IMMP2L: variants seen among roughly 807,000 people sequenced by gnomAD.
The protein encoded by IMMP2L is mitochondrial inner membrane protease subunit 2.
In IMMP2L, 18 loss-of-function variants were observed where a neutral mutation model predicts 19.3. The ratio of observed to expected loss-of-function variants is 0.93; its 90% confidence interval spans 0.64 to 1.38. IMMP2L has a LOEUF of 1.38. Among genes scored for constraint, IMMP2L ranks in the 40% most tolerant of loss-of-function variants. IMMP2L has a pLI of 0.00. For missense variants in IMMP2L, 233 were observed against 218.2 expected (o/e 1.07, Z -0.43); for synonymous variants, 76 against 73.0 (o/e 1.04, Z -0.21).
intron 5 of IMMP2L, among the ~76,000 whole-genome samples, chr7:110,754,555 A>C (rs1263986928): frequency 2.6e-5 from 4 of 152,038 alleles, no homozygotes; most frequent in Non-Finnish European, 5.9e-5. Context: ...GAAAATGAAA[A>C]GTTATTTTTG....
At chr7:111,137,089 C>T (rs1216170887) in intron 3 of IMMP2L, among the ~76,000 whole-genome samples, 1 of 152,008 alleles carries the variant, frequency 6.6e-6, no homozygotes, top group East Asian at 1.9e-4. Context: ...TAGAGGCTAA[C>T]GATATATAGT....
chr7:110,667,152 G>A (rs1276309057), intron 5 of IMMP2L, among the ~76,000 whole-genome samples: 1 of 152,216 alleles, frequency 6.6e-6, no homozygotes, highest in Non-Finnish European at 1.5e-5. Context: ...TTACAGGCGT[G>A]AGCCACTGCG....
At chr7:111,286,380 T>C (rs978516371) in intron 3 of IMMP2L, among the ~76,000 whole-genome samples, 2 of 152,140 alleles carry the variant, frequency 1.3e-5, no homozygotes, top group African/African-American at 4.8e-5. Context: ...ATCAACGCAA[T>C]AATGACTTAA....
intron 3 of IMMP2L, among the ~76,000 whole-genome samples, chr7:111,019,257 G>A (rs1826036584): frequency 6.6e-6 from 1 of 152,240 alleles, no homozygotes; most frequent in Admixed American, 6.5e-5. Context: ...AAAGGTGACT[G>A]TGAGCTCTTT....
At chr7:111,066,324 G>A (rs186480539) in intron 3 of IMMP2L, among the ~76,000 whole-genome samples, 106 of 151,934 alleles carry the variant, frequency 7.0e-4, no homozygotes, top group South Asian at 2.1e-3. Context: ...TCTGTACCAG[G>A]AAAAAGTAGG....
intron 3 of IMMP2L, among the ~76,000 whole-genome samples, chr7:111,065,363 A>G (rs746703255): frequency 6.6e-6 from 1 of 152,094 alleles, no homozygotes; most frequent in Non-Finnish European, 1.5e-5. Context: ...AGACTTTATT[A>G]TTGTCTTTAT....
chr7:111,304,688 G>A (rs562935258), intron 3 of IMMP2L, among the ~76,000 whole-genome samples: 3 of 149,628 alleles, frequency 2.0e-5, no homozygotes, highest in Admixed American at 1.3e-4. Flanking sequence ...GTGTGTGTGT[G>A]TGTGTGTGTG....
intron 3 of IMMP2L, among the ~76,000 whole-genome samples, chr7:111,158,307 G>C (rs1205886856): frequency 6.6e-6 from 1 of 152,002 alleles, no homozygotes; most frequent in Non-Finnish European, 1.5e-5. Context: ...CACATATAGA[G>C]AGAATCATCA....
At chr7:111,255,269 T>C (rs1036136885) in intron 3 of IMMP2L, among the ~76,000 whole-genome samples, 15 of 152,264 alleles carry the variant, frequency 9.9e-5, no homozygotes, top group Non-Finnish European at 1.8e-4. Context: ...TTGAATGTGT[T>C]CTTTTCCATG....
At chr7:111,045,028 G>C in intron 3 of IMMP2L, among the ~76,000 whole-genome samples, 1 of 152,238 alleles carries the variant, frequency 6.6e-6, no homozygotes, top group Middle Eastern at 3.4e-3. Flanking sequence ...GTAATAAAGA[G>C]ATAATAATTA....
intron 5 of IMMP2L, among the ~76,000 whole-genome samples, chr7:110,789,159 A>G (rs1800287720): frequency 6.6e-6 from 1 of 151,808 alleles, no homozygotes; most frequent in South Asian, 2.1e-4. Flanking sequence ...GTCTCTCACC[A>G]CTGAGTGAAC....
chr7:111,111,102 A>G (rs1475671208), intron 3 of IMMP2L, among the ~76,000 whole-genome samples: 1 of 152,168 alleles, frequency 6.6e-6, no homozygotes, highest in Non-Finnish European at 1.5e-5. Context: ...TTTGTCACTT[A>G]GCTTTCACCT....
At chr7:111,381,466 C>T (rs909791283) in intron 3 of IMMP2L, among the ~76,000 whole-genome samples, 2 of 152,028 alleles carry the variant, frequency 1.3e-5, no homozygotes, top group South Asian at 2.1e-4. Flanking sequence ...ATAATCAATA[C>T]CACCTGTTTA....
intron 3 of IMMP2L, among the ~76,000 whole-genome samples, chr7:111,042,964 T>C (rs942949952): frequency 4.6e-5 from 7 of 152,160 alleles, no homozygotes; most frequent in Non-Finnish European, 7.4e-5. Flanking sequence ...GATAAATACT[T>C]CTTGAATAAA....
intron 5 of IMMP2L, among the ~76,000 whole-genome samples, chr7:110,673,343 T>C (rs946704300): frequency 1.3e-5 from 2 of 152,188 alleles, no homozygotes; most frequent in African/African-American, 4.8e-5. Flanking sequence ...GCCCAGCCCA[T>C]GAAACCATTT....
intron 4 of IMMP2L, among the ~76,000 whole-genome samples, chr7:110,922,041 C>T (rs1048971645): frequency 6.6e-6 from 1 of 152,164 alleles, no homozygotes; most frequent in Non-Finnish European, 1.5e-5. Flanking sequence ...AAAACATTAA[C>T]AGCCACAGTA....
intron 3 of IMMP2L, among the ~76,000 whole-genome samples, chr7:111,063,552 C>T (rs988496774): frequency 2.6e-5 from 4 of 152,188 alleles, no homozygotes; most frequent in African/African-American, 9.6e-5. Flanking sequence ...ATTTTCTTTT[C>T]TACTGCACTG....
At chr7:111,092,877 A>C (rs538662014) in intron 3 of IMMP2L, among the ~76,000 whole-genome samples, 51 of 152,304 alleles carry the variant, frequency 3.3e-4, no homozygotes, top group Admixed American at 9.1e-4. Flanking sequence ...GCCTTCTTTT[A>C]GTTCAACTAA....
intron 3 of IMMP2L, among the ~76,000 whole-genome samples, chr7:111,086,203 G>C (rs1796311738): frequency 6.6e-6 from 1 of 151,102 alleles, no homozygotes; most frequent in South Asian, 2.1e-4. Context: ...GAGGTGGAAG[G>C]TTCGCTTGAG....
Sources: gnomAD v4.1 joint callset for allele counts (sites outside exome capture counted in the v4.1 genomes callset) on GRCh38, gnomAD v4.1.1 for gene constraint, MANE v1.5 for transcripts, NCBI Gene and HGNC (gene_info 2026-07-23, HGNC 2026-07-21) for gene names.